Variants in PACRGL observed in about 807,000 individuals in gnomAD.
The protein encoded by PACRGL is parkin coregulated like.
PACRGL carries 38 observed loss-of-function variants against 34.5 expected under a neutral mutation model. The observed-to-expected ratio is 1.10, with a 90% confidence interval of 0.85 to 1.44. The LOEUF (loss-of-function observed/expected upper bound fraction) is 1.44. Among genes scored for constraint, PACRGL ranks in the 40% most tolerant of loss-of-function variants. The probability of loss-of-function intolerance (pLI) is 0.00; values close to 1 mark genes in which losing one functional copy is unlikely to be tolerated. For missense variants in PACRGL, 305 were observed against 281.4 expected, an observed-to-expected ratio of 1.08 and a Z score of -0.60; for synonymous variants, 128 against 100.1, an observed-to-expected ratio of 1.28 and a Z score of -1.66.
At position 20,731,661 on chromosome 4, in the gene PACRGL, G is replaced by A; in HGVS notation, c.*4320G>A. The A allele has an allele frequency of 1.0e-6, 1 of 985,226 alleles. No individual in the cohort carries two copies. The highest frequency in any genetic ancestry group is 1.2e-6 in the Non-Finnish European group (1 of 829,792). The allele number at this position is 985,226 out of a possible 1,614,324, so 61.0% of individuals were successfully genotyped here. On this transcript the variant is annotated 3_prime_UTR_variant, in exon 9 of 9. Transcript: ENST00000503585. ...ATTCTAATGCTGTGGAGATATGATA[G>A]ATAATATATGAGTGATGCTAAGTTT...
chr4:20,712,218 TC>T (rs1464829273), intron 5 of PACRGL, among the ~76,000 whole-genome samples: 1 of 151,678 alleles, frequency 6.6e-6, no homozygotes, highest in Non-Finnish European at 1.5e-5. Context: ...TTTTCTTGCC[TC>T]CCCTGTTTTC....
chr4:20,759,912 C>T, the PACRGL span, among the ~76,000 whole-genome samples: 10 of 152,096 alleles, frequency 6.6e-5, no homozygotes, highest in East Asian at 1.9e-4. Flanking sequence ...CCAGGACCAC[C>T]GCGGATACCA....
chr4:20,732,788 G>GA, downstream of PACRGL: 1 of 1,584,426 alleles, frequency 6.3e-7, no homozygotes, highest in Non-Finnish European at 8.7e-7. Flanking sequence ...AGCATTTCCT[G>GA]AAAAATAAAA....
In PACRGL at chr4:20,739,386, C is replaced by T. The variant is rs183060933; in HGVS notation, c.*56+11989C>T. ...AGGTGCCCCTCTAAGACAAAGCTTC[C>T]AGAGGAAGGATCAGGCAGCAACATG... On this transcript the variant is annotated intron_variant, in intron 8 of 8. Transcript: ENST00000507634. 3.9e-3 allele frequency among the ~76,000 whole-genome samples: 599 copies of T among 152,264 alleles called. 6 individuals carry two copies. The highest frequency in any genetic ancestry group is 0.014 in the African/African-American group (562 of 41,552).
chr4:20,716,091 T>C (rs1266281907), intron 7 of PACRGL: 2 of 1,520,602 alleles, frequency 1.3e-6, no homozygotes, highest in East Asian at 2.5e-5. Context: ...TAATCTTTAA[T>C]ATAAATATTT....
downstream of PACRGL, among the ~76,000 whole-genome samples, chr4:20,753,978 G>T (rs1263750585): frequency 6.6e-6 from 1 of 152,040 alleles, no homozygotes; most frequent in African/African-American, 2.4e-5. Context: ...CAACATAAGT[G>T]CATTCCTACA....
downstream of PACRGL, among the ~76,000 whole-genome samples, chr4:20,734,121 G>A (rs370916253): frequency 2.6e-4 from 39 of 152,252 alleles, no homozygotes; most frequent in Middle Eastern, 6.8e-3. Context: ...TTCTCGCTGT[G>A]TTTTAAATTG....
In PACRGL at chr4:20,731,081, T is replaced by TTTTTC. The variant is rs1748034069; in HGVS notation, c.*3745_*3749dup. Among the ~76,000 whole-genome samples the TTTTTC allele has an allele frequency of 6.6e-6, 1 of 152,166 alleles. No individual in the cohort carries two copies. Among genetic ancestry groups the TTTTTC allele is most frequent in the African/African-American group, 2.4e-5 (1 of 41,428 alleles). ...TTTCAGGATTATTTGAAAAATTCTT[T>TTTTTC]TTTTCTTTTTTTAGTTTTGAGGCAG... On this transcript the variant is annotated 3_prime_UTR_variant, in exon 9 of 9. Coordinates refer to ENST00000503585, the MANE Select transcript of PACRGL (RefSeq NM_001258345.3).
At chr4:20,759,111 A>T in the PACRGL span, among the ~76,000 whole-genome samples, 1 of 152,230 alleles carries the variant, frequency 6.6e-6, no homozygotes, top group Non-Finnish European at 1.5e-5. Context: ...CATATTGAGT[A>T]TCAAAGTAGG....
chr4:20,709,536 T>C, intron 4 of PACRGL, 147 bp from the exon 5 acceptor site: 1 of 504,734 alleles, frequency 2.0e-6, no homozygotes, highest in East Asian at 3.2e-5. Context: ...CATTACTTTG[T>C]AAAATGTCCT....
chr4:20,760,719 G>A, the PACRGL span, among the ~76,000 whole-genome samples: 1,901 of 152,222 alleles, frequency 0.012, 18 homozygotes, highest in Non-Finnish European at 0.02. Flanking sequence ...GGGGAAGCTG[G>A]AATGTGGGCT....
At chr4:20,703,318 G>A (rs1023667416) in intron 1 of PACRGL, among the ~76,000 whole-genome samples, 2 of 152,088 alleles carry the variant, frequency 1.3e-5, no homozygotes, top group African/African-American at 2.4e-5. Context: ...CTAGATTGTC[G>A]TGGAAGTGAG....
At chr4:20,701,177 TC>T (rs1402989260) in intron 1 of PACRGL, among the ~76,000 whole-genome samples, 1 of 152,118 alleles carries the variant, frequency 6.6e-6, no homozygotes, top group Non-Finnish European at 1.5e-5. Flanking sequence ...TTGTTTTAGT[TC>T]AGTGGTCTTA....
chr4:20,758,844 T>C, the PACRGL span: 2 of 1,613,264 alleles, frequency 1.2e-6, no homozygotes, highest in African/African-American at 1.3e-5. Context: ...GAACTGCGAG[T>C]AAATCTCTTT....
At chr4:20,727,229 C>T in intron 8 of PACRGL, 56 bp from the exon 9 acceptor site, 1 of 1,422,622 alleles carries the variant, frequency 7.0e-7, no homozygotes, top group South Asian at 1.2e-5. Flanking sequence ...AAATATAATA[C>T]CTATTAGGGG....
chr4:20,712,502 G>A (rs1005389985), intron 5 of PACRGL, among the ~76,000 whole-genome samples: 2 of 152,018 alleles, frequency 1.3e-5, no homozygotes, highest in South Asian at 4.1e-4. Flanking sequence ...GTATATGGGA[G>A]TATGTGCACA....
chr4:20,751,337 TG>T (rs544546146), intron 8 of PACRGL, among the ~76,000 whole-genome samples: 165 of 152,324 alleles, frequency 1.1e-3, no homozygotes, highest in Non-Finnish European at 2.2e-3. Context: ...CTTTTGCATA[TG>T]GAGCCAGGAG....
At chr4:20,709,314 A>G (rs957530915) in intron 4 of PACRGL, among the ~76,000 whole-genome samples, 2 of 152,204 alleles carry the variant, frequency 1.3e-5, no homozygotes, top group African/African-American at 2.4e-5. Context: ...CTGAAAAACA[A>G]TGTTCCTTGT....
At chr4:20,742,204 T>G (rs1751287723) in intron 8 of PACRGL, among the ~76,000 whole-genome samples, 1 of 152,210 alleles carries the variant, frequency 6.6e-6, no homozygotes. Flanking sequence ...GAGGGAATCC[T>G]CCCTAACTCA....
Sources: gnomAD v4.1 joint callset for allele counts (sites outside exome capture counted in the v4.1 genomes callset) on GRCh38, gnomAD v4.1.1 for gene constraint, MANE v1.5 for transcripts, NCBI Gene and HGNC (gene_info 2026-07-23, HGNC 2026-07-21) for gene names.